OXR1: variants seen among roughly 807,000 people sequenced by gnomAD.
OXR1 encodes the protein oxidation resistance protein 1.
A neutral mutation model predicts 104.6 loss-of-function variants in OXR1; 41 were observed. The observed-to-expected ratio is 0.39, with a 90% CI of 0.31 to 0.51. The LOEUF (loss-of-function observed/expected upper bound fraction) is 0.51. Among genes scored for constraint, OXR1 ranks in the 20% least tolerant of loss-of-function variants. OXR1 has a pLI of 0.77. For synonymous variants in OXR1, 348 were observed against 348.4 expected, an observed-to-expected ratio of 1.00 and a Z score of 0.01; for missense variants, 955 against 1,031.9, an observed-to-expected ratio of 0.93 and a Z score of 1.02.
At chr8:106,618,234 C>A in intron 3 of OXR1, 1 of 1,399,320 alleles carries the variant, frequency 7.1e-7, no homozygotes, top group South Asian at 1.2e-5. Flanking sequence ...TTTGGAAAGT[C>A]AGATACAGCG....
At chr8:106,616,030 CTTTTTTTTTT>C (rs10718309) in intron 3 of OXR1, among the ~76,000 whole-genome samples, 1 of 73,318 alleles carries the variant, frequency 1.4e-5, no homozygotes, top group Admixed American at 2.1e-4. Flanking sequence ...GAAACACCTT[CTTTTTTTTTT>C]TTTTTTTTTT....
chr8:106,372,087 T>A (rs1352237215), intron 2 of OXR1, among the ~76,000 whole-genome samples: 1 of 152,216 alleles, frequency 6.6e-6, no homozygotes, highest in African/African-American at 2.4e-5. Context: ...TTAGGCAGAT[T>A]CCAGCTGAGA....
intron 3 of OXR1, among the ~76,000 whole-genome samples, chr8:106,552,234 T>G (rs1433875799): frequency 6.6e-6 from 1 of 151,998 alleles, no homozygotes; most frequent in Non-Finnish European, 1.5e-5. Context: ...CCATCACCCT[T>G]TCTGCTTGCC....
At chr8:106,575,255 G>A (rs1319169381) in intron 3 of OXR1, among the ~76,000 whole-genome samples, 1 of 151,962 alleles carries the variant, frequency 6.6e-6, no homozygotes, top group Non-Finnish European at 1.5e-5. Context: ...AATCTTAAAG[G>A]TGAAATAAGC....
At chr8:106,350,598 A>T (rs1031789903) in intron 1 of OXR1, among the ~76,000 whole-genome samples, 2 of 152,182 alleles carry the variant, frequency 1.3e-5, no homozygotes, top group African/African-American at 4.8e-5. Context: ...ATAAAACTGC[A>T]TTAGTTTGTC....
intron 1 of OXR1, among the ~76,000 whole-genome samples, chr8:106,312,526 A>G (rs1414100177): frequency 1.3e-5 from 2 of 152,214 alleles, no homozygotes; most frequent in African/African-American, 2.4e-5. Flanking sequence ...GAGGTGGTAC[A>G]GGGATATGAA....
chr8:106,368,608 T>G (rs1171490025), intron 2 of OXR1, among the ~76,000 whole-genome samples: 1 of 151,838 alleles, frequency 6.6e-6, no homozygotes, highest in African/African-American at 2.4e-5. Flanking sequence ...TGTCCATGTG[T>G]TCTCAATGTT....
intron 6 of OXR1, among the ~76,000 whole-genome samples, chr8:106,691,408 A>G (rs1432260971): frequency 6.6e-6 from 1 of 151,874 alleles, no homozygotes; most frequent in African/African-American, 2.4e-5. Context: ...TCCTCTGAAC[A>G]ACTTTGATCT....
At chr8:106,625,635 G>A (rs1445160849) in intron 3 of OXR1, among the ~76,000 whole-genome samples, 1 of 152,158 alleles carries the variant, frequency 6.6e-6, no homozygotes, top group Non-Finnish European at 1.5e-5. Flanking sequence ...ATGTATTTGA[G>A]GAGAGCAGGA....
chr8:106,323,719 C>A (rs1586522875), intron 1 of OXR1, among the ~76,000 whole-genome samples: 1 of 152,212 alleles, frequency 6.6e-6, no homozygotes, highest in Admixed American at 6.5e-5. Flanking sequence ...AGATACTTCT[C>A]CAAAGAAGAC....
Position 106,367,418 on chromosome 8 carries a change from G to A in OXR1, c.23+7782G>A, listed in dbSNP as rs190893576. On this transcript the variant is annotated intron_variant, in intron 2 of 16. Transcript: ENST00000517566. ...ATATGAGCTTTGAGAATAATTTAAAGTTAGTTTATGAATGAATAATTTTAA... is the reference window on the plus strand; with the variant it reads ...ATATGAGCTTTGAGAATAATTTAAAATTAGTTTATGAATGAATAATTTTAA... 1.7e-3 allele frequency among the ~76,000 whole-genome samples: 255 copies of A among 152,064 alleles called. 1 individual carries two copies. The Middle Eastern group carries it at 0.017, about 10-fold the overall frequency.
chr8:106,567,884 T>A (rs984989608), intron 3 of OXR1, among the ~76,000 whole-genome samples: 2 of 152,188 alleles, frequency 1.3e-5, no homozygotes, highest in African/African-American at 2.4e-5. Context: ...AATAATTTAC[T>A]AACAGCCACT....
At chr8:106,590,140 A>G (rs1266136343) in intron 3 of OXR1, among the ~76,000 whole-genome samples, 1 of 152,260 alleles carries the variant, frequency 6.6e-6, no homozygotes, top group African/African-American at 2.4e-5. Context: ...CAGCAATAGA[A>G]AGTAATTTCA....
intron 2 of OXR1, among the ~76,000 whole-genome samples, chr8:106,415,052 T>G (rs1818613648): frequency 6.6e-6 from 1 of 152,146 alleles, no homozygotes; most frequent in Non-Finnish European, 1.5e-5. Context: ...TCCTTCACAA[T>G]GGAGTAGAAA....
rs1376043104 is a variant in OXR1 at position 106,420,961 on chromosome 8, G to A, written c.23+61325G>A. On this transcript the variant is annotated intron_variant, in intron 2 of 16. Transcript: ENST00000517566. Reference sequence around the variant, plus strand: ...AACAAATGTAAGCAGAGTCAAGATCGGCTGTCTCTGAGTGTTTTTGAGGCT... The same window carrying A: ...AACAAATGTAAGCAGAGTCAAGATCAGCTGTCTCTGAGTGTTTTTGAGGCT... 5.3e-5 allele frequency among the ~76,000 whole-genome samples: 8 copies of A among 152,054 alleles called. No individual in the cohort carries two copies. The East Asian group carries it at 7.7e-4, about 15-fold the overall frequency.
intron 6 of OXR1, among the ~76,000 whole-genome samples, chr8:106,686,102 T>C (rs1828689476): frequency 6.6e-6 from 1 of 152,050 alleles, no homozygotes; most frequent in Non-Finnish European, 1.5e-5. Context: ...AAGAATGATA[T>C]AGTGGACTTT....
intron 3 of OXR1, among the ~76,000 whole-genome samples, chr8:106,583,550 A>G (rs1049395167): frequency 3.3e-5 from 5 of 152,182 alleles, no homozygotes; most frequent in African/African-American, 1.2e-4. Context: ...CTAAAATGAC[A>G]GTAAAAGGAT....
chr8:106,582,041 A>C (rs1818267729), intron 3 of OXR1, among the ~76,000 whole-genome samples: 1 of 148,988 alleles, frequency 6.7e-6, no homozygotes, highest in Non-Finnish European at 1.5e-5. Flanking sequence ...AAAAAAAAAA[A>C]AAACCTAAAA....
intron 1 of OXR1, among the ~76,000 whole-genome samples, chr8:106,284,975 T>G (rs993837203): frequency 6.6e-6 from 1 of 152,140 alleles, no homozygotes; most frequent in Non-Finnish European, 1.5e-5. Flanking sequence ...CTAGTACATT[T>G]AAATATATAT....
Sources: allele counts gnomAD v4.1 joint callset (sites outside exome capture counted in the v4.1 genomes callset), GRCh38; gene constraint gnomAD v4.1.1; transcripts MANE v1.5; gene names NCBI Gene and HGNC (gene_info 2026-07-23, HGNC 2026-07-21).